The following KDM4C variants were observed in gnomAD, a reference collection of about 807,000 sequenced individuals.
The protein encoded by KDM4C is lysine-specific demethylase 4C.
KDM4C carries 81 observed loss-of-function variants against 129.3 expected under a neutral mutation model. That is an observed-to-expected ratio of 0.63 (90% CI 0.52 to 0.75). The LOEUF is 0.75. Among genes scored for constraint, KDM4C ranks in the 30% least tolerant of loss-of-function variants. The pLI is 0.00. For synonymous variants in KDM4C, 573 were observed against 456.1 expected (o/e 1.26, Z -3.26); for missense variants, 1,457 against 1,304.0 (o/e 1.12, Z -1.81).
rs575909064 is a variant in KDM4C at position 6,945,497 on chromosome 9, A to G, written c.922-35428A>G. Among the ~76,000 whole-genome samples the G allele has an allele frequency of 2.0e-5, 3 of 152,282 alleles. No homozygotes were observed. The South Asian group carries it at 6.2e-4, about 32-fold the overall frequency. On this transcript the variant is annotated intron_variant, in intron 8 of 21. Transcript: ENST00000381309. ...ATCTTGAACTCATGATTAGGGAGAAAGTGTTGTAAGCTTAAATTAATTAAT... is the reference window on the plus strand; with the variant it reads ...ATCTTGAACTCATGATTAGGGAGAAGGTGTTGTAAGCTTAAATTAATTAAT...
intron 15 of KDM4C, among the ~76,000 whole-genome samples, chr9:7,041,065 C>G (rs995411481): frequency 6.7e-6 from 1 of 148,240 alleles, no homozygotes; most frequent in Non-Finnish European, 1.5e-5. Context: ...TTTTAAAATT[C>G]TCTTTTTGTC....
chr9:6,966,628 C>T (rs1052135454), intron 8 of KDM4C, among the ~76,000 whole-genome samples: 17 of 152,004 alleles, frequency 1.1e-4, no homozygotes, highest in Non-Finnish European at 1.3e-4. Context: ...TCTTGGTTTA[C>T]GTCTAGATCT....
intron 2 of KDM4C, among the ~76,000 whole-genome samples, chr9:6,800,067 A>AT (rs1234438660): frequency 6.6e-6 from 1 of 151,924 alleles, no homozygotes; most frequent in South Asian, 2.1e-4. Flanking sequence ...TTCCAAAAAA[A>AT]AAATAAATAA....
Position 7,075,056 on chromosome 9 carries a change from A to G in KDM4C, c.2424+25856A>G, listed in dbSNP as rs1411613063. 4.6e-5 allele frequency among the ~76,000 whole-genome samples: 7 copies of G among 152,336 alleles called. No homozygotes were observed. In the East Asian group the frequency reaches 1.3e-3, roughly 29 times the overall value. ...AGTCTCCTCTTTCTTGAACAAAAGTAGGGATATGAAACAACTTTCTCCCCA... is the reference window on the plus strand; with the variant it reads ...AGTCTCCTCTTTCTTGAACAAAAGTGGGGATATGAAACAACTTTCTCCCCA... On this transcript the variant is annotated intron_variant, in intron 17 of 21. Transcript: ENST00000381309.
At chr9:7,120,246 A>C (rs1839352995) in intron 18 of KDM4C, among the ~76,000 whole-genome samples, 1 of 152,108 alleles carries the variant, frequency 6.6e-6, no homozygotes, top group African/African-American at 2.4e-5. Flanking sequence ...TTGATGAAGC[A>C]GTCCAGGTAT....
Position 6,981,130 on chromosome 9 carries a change from T to C in KDM4C, c.1115+12T>C, listed in dbSNP as rs1317423574. 1.9e-6 allele frequency: 3 copies of C among 1,600,746 alleles called. No individual in the cohort carries two copies. The highest frequency in any genetic ancestry group is 1.7e-6 in the Non-Finnish European group (2 of 1,174,068). On this transcript the variant is annotated intron_variant, in intron 9 of 21. Transcript: ENST00000381309. ...AAAGCATCCCGAAGGTAATGACCCC[T>C]CACCCCACTGACCTGCCTTGCCTGT...
At chr9:6,849,016 G>T (rs1336672406) in intron 4 of KDM4C, among the ~76,000 whole-genome samples, 2 of 152,164 alleles carry the variant, frequency 1.3e-5, no homozygotes, top group Non-Finnish European at 2.9e-5. Flanking sequence ...GATAGGGATG[G>T]GAGAGAGATA....
intron 8 of KDM4C, among the ~76,000 whole-genome samples, chr9:6,925,849 A>T (rs1337063258): frequency 6.6e-6 from 1 of 152,122 alleles, no homozygotes; most frequent in African/African-American, 2.4e-5. Flanking sequence ...TGTGAAGTTT[A>T]AAGTTTGTAT....
intron 8 of KDM4C, 29 bp from the exon 9 acceptor site, chr9:6,980,896 T>A (rs779642704): frequency 6.2e-7 from 1 of 1,608,286 alleles, no homozygotes; most frequent in Non-Finnish European, 8.5e-7. Flanking sequence ...GCGAAACGTT[T>A]AACACTCTCC....
intron 7 of KDM4C, among the ~76,000 whole-genome samples, chr9:6,889,307 C>T (rs1845777505): frequency 6.7e-6 from 1 of 149,922 alleles, no homozygotes; most frequent in African/African-American, 2.5e-5. Context: ...AGGGTTCATT[C>T]TTCAGCTTGA....
upstream of KDM4C, among the ~76,000 whole-genome samples, chr9:6,757,370 C>G (rs1818376996): frequency 6.6e-6 from 1 of 152,222 alleles, no homozygotes; most frequent in Non-Finnish European, 1.5e-5. Flanking sequence ...GTGTAGGTGA[C>G]TCAACACCGG....
At chr9:6,924,163 G>A (rs973995803) in intron 8 of KDM4C, among the ~76,000 whole-genome samples, 1 of 152,132 alleles carries the variant, frequency 6.6e-6, no homozygotes, top group African/African-American at 2.4e-5. Context: ...TTTTAATACA[G>A]AATAAGAACA....
chr9:6,740,402 A>C (rs1156602177), intron 1 of KDM4C, among the ~76,000 whole-genome samples: 1 of 150,822 alleles, frequency 6.6e-6, no homozygotes, highest in Non-Finnish European at 1.5e-5. Context: ...ATGGGGTTTC[A>C]CCGTGTTAGC....
At chr9:6,752,594 G>C (rs945835574) in intron 1 of KDM4C, among the ~76,000 whole-genome samples, 1 of 151,426 alleles carries the variant, frequency 6.6e-6, no homozygotes, top group African/African-American at 2.4e-5. Flanking sequence ...ATTTTTAGTA[G>C]AGACGGAGTT....
chr9:6,767,348 C>A lies in KDM4C; in HGVS notation c.-18+9145C>A, dbSNP rs373344280. 1.8e-4 allele frequency among the ~76,000 whole-genome samples: 28 copies of A among 151,558 alleles called. No individual in the cohort carries two copies. In the East Asian group the frequency reaches 3.7e-3, roughly 20 times the overall value. On this transcript the variant is annotated intron_variant, in intron 1 of 21. Transcript: ENST00000381309. ...AGTGGAGACAGGGTTTCACCACGTT[C>A]GGCAGGATGGTCTCGAACTCCTGAC...
intron 21 of KDM4C, among the ~76,000 whole-genome samples, chr9:7,172,688 G>A (rs1845082591): frequency 6.6e-6 from 1 of 152,220 alleles, no homozygotes; most frequent in Non-Finnish European, 1.5e-5. Context: ...GAACTGGCTG[G>A]AAACATGAAC....
At chr9:7,124,486 A>G (rs58020305) in intron 18 of KDM4C, among the ~76,000 whole-genome samples, 1 of 152,144 alleles carries the variant, frequency 6.6e-6, no homozygotes, top group African/African-American at 2.4e-5. Flanking sequence ...TCACAGGCCC[A>G]ATCTTGGAGT....
intron 4 of KDM4C, among the ~76,000 whole-genome samples, chr9:6,846,074 A>C (rs190677823): frequency 1.8e-4 from 27 of 152,164 alleles, no homozygotes; most frequent in Non-Finnish European, 3.2e-4. Flanking sequence ...GTAGAGTGGC[A>C]CTGCCTCTGG....
At chr9:6,967,470 T>C (rs983890629) in intron 8 of KDM4C, among the ~76,000 whole-genome samples, 3 of 149,872 alleles carry the variant, frequency 2.0e-5, no homozygotes, top group Non-Finnish European at 4.4e-5. Context: ...AAGGAAGATA[T>C]GCAAGATTAA....
Sources: gnomAD v4.1 joint callset for allele counts (sites outside exome capture counted in the v4.1 genomes callset) on GRCh38, gnomAD v4.1.1 for gene constraint, MANE v1.5 for transcripts, NCBI Gene and HGNC (gene_info 2026-07-23, HGNC 2026-07-21) for gene names.